The following DEUP1 variants were observed in gnomAD, a reference collection of about 807,000 sequenced individuals.
DEUP1 encodes the protein coiled-coil domain containing 67.
DEUP1 carries 82 observed loss-of-function variants against 87.4 expected under a neutral mutation model. The observed-to-expected ratio is 0.94, with a 90% CI of 0.78 to 1.13. The LOEUF (loss-of-function observed/expected upper bound fraction) is 1.13. DEUP1 is among the 50% of genes most tolerant of loss of function. DEUP1 has a pLI of 0.00. For synonymous variants in DEUP1, 214 were observed against 222.7 expected (o/e 0.96, Z 0.35); for missense variants, 663 against 681.5 (o/e 0.97, Z 0.30).
chr11:93,377,474 GT>G (rs1302385836), intron 7 of DEUP1, among the ~76,000 whole-genome samples: 1 of 151,910 alleles, frequency 6.6e-6, no homozygotes, highest in Non-Finnish European at 1.5e-5. Flanking sequence ...GAATATCTTT[GT>G]CTGCCCCTTT....
chr11:93,414,609 T>G (rs1231847339), intron 12 of DEUP1, among the ~76,000 whole-genome samples: 1 of 152,102 alleles, frequency 6.6e-6, no homozygotes, highest in Non-Finnish European at 1.5e-5. Context: ...TAAAAGAGAA[T>G]AGAAAAAGAG....
At chr11:93,386,881 A>G (rs1416103617) in intron 8 of DEUP1, among the ~76,000 whole-genome samples, 4 of 152,222 alleles carry the variant, frequency 2.6e-5, no homozygotes, top group East Asian at 1.9e-4. Flanking sequence ...GAGCACACCA[A>G]TCAACCCATG....
chr11:93,332,172 G>A (rs1943524772), intron 1 of DEUP1, 44 bp from the exon 2 acceptor site: 1 of 1,308,716 alleles, frequency 7.6e-7, no homozygotes, highest in Admixed American at 2.1e-5. Flanking sequence ...ATAGGTTAAA[G>A]AATATAAACA....
chr11:93,331,864 C>T (rs191293554), intron 1 of DEUP1, among the ~76,000 whole-genome samples: 21 of 152,090 alleles, frequency 1.4e-4, no homozygotes, highest in African/African-American at 5.1e-4. Flanking sequence ...GATCAACATG[C>T]GAAACCCCGT....
At chr11:93,374,754 A>G (rs1945945197) in intron 7 of DEUP1, among the ~76,000 whole-genome samples, 1 of 152,128 alleles carries the variant, frequency 6.6e-6, no homozygotes, top group African/African-American at 2.4e-5. Context: ...TGCTTTAGCT[A>G]TGCAGGCTCT....
chr11:93,437,777 G>A lies in DEUP1; in HGVS notation c.*58G>A. The stretch of plus-strand genomic sequence containing the variant: ...CACCCCCGCCAAGAAAAAAAGCTCT[G>A]GCAAAATATTTACAAAGCTGATTAA... On this transcript the variant is annotated 3_prime_UTR_variant, in exon 14 of 14. Transcript: ENST00000298050. 1 of 862,932 alleles carries A rather than the reference G, an allele frequency of 1.2e-6. No individual in the cohort carries two copies. The highest frequency in any genetic ancestry group is 1.5e-5 in the South Asian group (1 of 66,170). The allele number at this position is 862,932 out of a possible 1,614,324, so 53.5% of individuals were successfully genotyped here.
At chr11:93,348,649 G>A (rs1975820) in intron 2 of DEUP1, among the ~76,000 whole-genome samples, 125,591 of 152,234 alleles carry the variant, frequency 0.82, 51,923 homozygotes, top group East Asian at 0.89. Flanking sequence ...GGTTTTGAGC[G>A]AATTTATTAG....
At chr11:93,400,563 C>A (rs1428022611) in intron 11 of DEUP1, among the ~76,000 whole-genome samples, 1 of 152,074 alleles carries the variant, frequency 6.6e-6, no homozygotes, top group Non-Finnish European at 1.5e-5. Flanking sequence ...ACTATAAAGA[C>A]CCTATTTTCA....
chr11:93,342,550 C>T (rs1944134376), intron 2 of DEUP1, among the ~76,000 whole-genome samples: 2 of 152,086 alleles, frequency 1.3e-5, no homozygotes, highest in Non-Finnish European at 2.9e-5. Context: ...CTGCTGCAGC[C>T]CTCTTTTAAA....
chr11:93,391,025 T>G (rs1946748476), intron 9 of DEUP1, among the ~76,000 whole-genome samples: 2 of 148,504 alleles, frequency 1.3e-5, no homozygotes. Context: ...GAGGTTGCAG[T>G]GAGCCGAGAT....
intron 11 of DEUP1, among the ~76,000 whole-genome samples, chr11:93,400,638 G>C (rs1490496013): frequency 6.6e-6 from 1 of 152,050 alleles, no homozygotes; most frequent in Non-Finnish European, 1.5e-5. Context: ...GAGTGGCACA[G>C]CTAAACTTAT....
intron 4 of DEUP1, among the ~76,000 whole-genome samples, chr11:93,361,882 C>G (rs554927474): frequency 6.6e-6 from 1 of 152,010 alleles, no homozygotes; most frequent in African/African-American, 2.4e-5. Context: ...ACTATATAGG[C>G]AAGTTGAAAC....
chr11:93,431,869 A>C (rs1243559587), intron 13 of DEUP1, among the ~76,000 whole-genome samples: 3 of 152,182 alleles, frequency 2.0e-5, no homozygotes, highest in Admixed American at 2.0e-4. Context: ...TGCTAATACC[A>C]CTTTCCGACA....
At chr11:93,384,197 T>G (rs1946428875) in intron 7 of DEUP1, among the ~76,000 whole-genome samples, 2 of 152,116 alleles carry the variant, frequency 1.3e-5, no homozygotes, top group African/African-American at 4.8e-5. Flanking sequence ...TAGCTAATTC[T>G]TTCATTGCCA....
intron 11 of DEUP1, among the ~76,000 whole-genome samples, chr11:93,402,748 T>A (rs1020614430): frequency 2.0e-5 from 3 of 152,020 alleles, no homozygotes; most frequent in Non-Finnish European, 4.4e-5. Flanking sequence ...GTCATTATGT[T>A]AAGTGAAATA....
chr11:93,381,195 C>T (rs944009617), intron 7 of DEUP1, among the ~76,000 whole-genome samples: 3 of 152,126 alleles, frequency 2.0e-5, no homozygotes, highest in African/African-American at 4.8e-5. Flanking sequence ...AATCACTGCT[C>T]CTCTCAAACC....
chr11:93,352,417 A>G, intron 2 of DEUP1: 2 of 702,260 alleles, frequency 2.8e-6, no homozygotes, highest in Non-Finnish European at 5.2e-6. Context: ...TAGTGAGAGC[A>G]CTTACCAATC....
chr11:93,371,232 A>G lies in DEUP1; in HGVS notation c.741A>G (p.Glu247=), dbSNP rs1316658084. ...TAAGCAGGAATAAATTACAAGATGA[A>G]AATCAGAAGCTCTTGCAAGAACTGA... ...IALSRNKLQD[E]NQKLLQELKM... is the part of the protein sequence containing the mutation. The change falls in exon 7 of 14, where the codon GAA becomes GAG. Residue 247 remains glutamate, a synonymous_variant. Transcript: ENST00000298050. 3 of 1,613,378 alleles carry G rather than the reference A, an allele frequency of 1.9e-6. No homozygotes were observed. The South Asian group carries it at 3.3e-5, about 18-fold the overall frequency.
intron 4 of DEUP1, among the ~76,000 whole-genome samples, chr11:93,358,961 T>C (rs1173947046): frequency 6.6e-6 from 1 of 152,158 alleles, no homozygotes; most frequent in East Asian, 1.9e-4. Context: ...AATGCTACAT[T>C]ATTGTTGAGA....
Sources: allele counts gnomAD v4.1 joint callset (sites outside exome capture counted in the v4.1 genomes callset), GRCh38; gene constraint gnomAD v4.1.1; transcripts MANE v1.5; gene names NCBI Gene and HGNC (gene_info 2026-07-23, HGNC 2026-07-21).